The following SNRPC variants were observed in gnomAD, a reference collection of about 807,000 sequenced individuals.
The protein encoded by SNRPC is small nuclear ribonucleoprotein polypeptide C, also known as U1 small nuclear ribonucleoprotein C.
A neutral mutation model predicts 20.0 loss-of-function variants in SNRPC; 5 were observed. That is an observed-to-expected ratio of 0.25 (90% CI 0.13 to 0.53). The LOEUF (loss-of-function observed/expected upper bound fraction) is 0.53. Among genes scored for constraint, SNRPC ranks in the 20% least tolerant of loss-of-function variants. SNRPC has a pLI of 0.96. For synonymous variants in SNRPC, 61 were observed against 58.7 expected (o/e 1.04, Z -0.18); for missense variants, 112 against 224.1 (o/e 0.50, Z 3.19).
Position 34,761,906 on chromosome 6 carries a change from G to T in SNRPC, c.52-689G>T, listed in dbSNP as rs917026621. Among the ~76,000 whole-genome samples the T allele has an allele frequency of 3.3e-5, 5 of 151,998 alleles. No individual in the cohort carries two copies. In the East Asian group the frequency reaches 9.6e-4, roughly 29 times the overall value. On this transcript the variant is annotated intron_variant, in intron 2 of 5. Coordinates refer to ENST00000244520, the MANE Select transcript of SNRPC (RefSeq NM_003093.3). ...TGGCTCACTGTAGCCTTGATCTCCT[G>T]GGCTCAAACGTGCTTCCCATTTTAG...
At chr6:34,766,858 T>G (rs1254061142) in intron 3 of SNRPC, among the ~76,000 whole-genome samples, 1 of 152,198 alleles carries the variant, frequency 6.6e-6, no homozygotes, top group Non-Finnish European at 1.5e-5. Context: ...TGATGAGTAA[T>G]TTGACTTCCT....
At chr6:34,764,532 G>A (rs1375959434) in intron 3 of SNRPC, among the ~76,000 whole-genome samples, 3 of 151,728 alleles carry the variant, frequency 2.0e-5, no homozygotes. Context: ...GCATGGTGGT[G>A]CGTGCCTGTA....
chr6:34,771,919 A>C (rs529401129), intron 5 of SNRPC, among the ~76,000 whole-genome samples: 1 of 152,326 alleles, frequency 6.6e-6, no homozygotes, highest in Non-Finnish European at 1.5e-5. Flanking sequence ...GATGTGGTGA[A>C]CTGGGGAATG....
rs560589182 is a variant in SNRPC, at chr6:34,772,588, A to C, written c.356-858A>C. Among the ~76,000 whole-genome samples the C allele has an allele frequency of 5.9e-5, 9 of 152,258 alleles. No individual in the cohort carries two copies. The East Asian group carries it at 9.6e-4, about 16-fold the overall frequency. ...TTTTCTCTTGAACCCTTTGCTGCAA[A>C]CCTTTAATCAAAATTATTTAGTTAA... is the stretch of plus-strand genomic sequence containing the variant. On this transcript the variant is annotated intron_variant, in intron 5 of 5. Coordinates refer to ENST00000244520, the MANE Select transcript of SNRPC (RefSeq NM_003093.3).
intron 2 of SNRPC, among the ~76,000 whole-genome samples, chr6:34,759,042 AAAAG>A (rs1764498216): frequency 7.5e-6 from 1 of 133,036 alleles, no homozygotes; most frequent in Non-Finnish European, 1.7e-5. Flanking sequence ...AAAAAAAAAA[AAAAG>A]AAAAGAAAAC....
chr6:34,761,612 C>T (rs1321141190), intron 2 of SNRPC, among the ~76,000 whole-genome samples: 2 of 147,926 alleles, frequency 1.4e-5, no homozygotes, highest in African/African-American at 5.1e-5. Context: ...GCTCCGCCTC[C>T]TGGGTTCACG....
At chr6:34,764,739 G>T (rs1764592246) in intron 3 of SNRPC, among the ~76,000 whole-genome samples, 1 of 151,422 alleles carries the variant, frequency 6.6e-6, no homozygotes, top group South Asian at 2.1e-4. Flanking sequence ...AGAGAAGCGG[G>T]GGCCTGGCAT....
At chr6:34,769,855 A>G (rs2127407806) in intron 4 of SNRPC, among the ~76,000 whole-genome samples, 1 of 152,284 alleles carries the variant, frequency 6.6e-6, no homozygotes, top group Non-Finnish European at 1.5e-5. Flanking sequence ...ATCTGCTATT[A>G]TAAAAAGAGA....
rs1561791609 is a variant in SNRPC at position 34,768,766 on chromosome 6, AAAAAG to A, written c.250+782_250+786del. Among the ~76,000 whole-genome samples, 5 of 151,844 alleles carry A rather than the reference AAAAAG, an allele frequency of 3.3e-5. No individual in the cohort carries two copies. In the South Asian group the frequency reaches 6.2e-4, roughly 19 times the overall value. On this transcript the variant is annotated intron_variant, in intron 4 of 5. Transcript: ENST00000244520. ...AAGACTTTGTCTCAAAAAAAAAAAA[AAAAAG>A]AAAAGAAAAGAAGGAAAGGTAAGAA...
Position 34,773,624 on chromosome 6 carries a change from CAGG to C in SNRPC, c.*57_*59del. The C allele has an allele frequency of 6.5e-7, 1 of 1,535,968 alleles. No individual in the cohort carries two copies. On this transcript the variant is annotated 3_prime_UTR_variant, in exon 6 of 6. Transcript: ENST00000244520. This position sits in a 1 kb window ranked among gnomAD's most constrained non-coding sequence, Gnocchi z 4.1. Reference sequence around the variant, plus strand: ...TTTTATATTACCTGTTCTGCTTCACCAGGAGATCATGCTGCTGTGATACTGAGT... The same window carrying C: ...TTTTATATTACCTGTTCTGCTTCACCAGATCATGCTGCTGTGATACTGAGT...
At chr6:34,759,960 C>A (rs1272169253) in intron 2 of SNRPC, among the ~76,000 whole-genome samples, 1 of 152,090 alleles carries the variant, frequency 6.6e-6, no homozygotes, top group African/African-American at 2.4e-5. Flanking sequence ...TGAATAGTAG[C>A]TGGAAGAAAC....
intron 2 of SNRPC, 88 bp from the exon 3 acceptor site, chr6:34,762,507 C>CA (rs775110493): frequency 1.5e-6 from 1 of 679,008 alleles, no homozygotes; most frequent in Non-Finnish European, 2.6e-6. Flanking sequence ...TGATACTAGA[C>CA]ACGCTACTTA....
At chr6:34,767,305 A>G (rs974350618) in intron 3 of SNRPC, among the ~76,000 whole-genome samples, 1 of 152,248 alleles carries the variant, frequency 6.6e-6, no homozygotes, top group Non-Finnish European at 1.5e-5. Context: ...TAGATTAAAG[A>G]TGACTGTTCC....
intron 2 of SNRPC, among the ~76,000 whole-genome samples, chr6:34,762,339 T>A (rs925776317): frequency 1.3e-5 from 2 of 151,720 alleles, no homozygotes; most frequent in African/African-American, 4.8e-5. Context: ...TAAATGTGGT[T>A]GTGTTCCAAT....
chr6:34,768,446 T>C (rs1764642448), intron 4 of SNRPC, among the ~76,000 whole-genome samples: 1 of 152,174 alleles, frequency 6.6e-6, no homozygotes, highest in South Asian at 2.1e-4. Flanking sequence ...CACCAAAATC[T>C]ATACCTTAGA....
At chr6:34,770,464 A>G in intron 5 of SNRPC, 69 bp downstream of exon 5, 1 of 1,004,064 alleles carries the variant, frequency 1.0e-6, no homozygotes, top group Non-Finnish European at 1.6e-6. Context: ...CTGACACTTA[A>G]TGGAAGGAAG....
At chr6:34,757,661 C>T in intron 1 of SNRPC, 110 bp downstream of exon 1, 1 of 1,392,856 alleles carries the variant, frequency 7.2e-7, no homozygotes, top group Non-Finnish European at 1.0e-6. Context: ...GGGAGAGTAT[C>T]TGGGCCGGGT....
chr6:34,766,972 CTAAA>C (rs370987625), intron 3 of SNRPC, among the ~76,000 whole-genome samples: 319 of 152,156 alleles, frequency 2.1e-3, no homozygotes, highest in African/African-American at 7.1e-3. Context: ...TTTTCTAACA[CTAAA>C]TATAGATGAT....
chr6:34,766,888 G>A (rs1764620249), intron 3 of SNRPC, among the ~76,000 whole-genome samples: 1 of 152,156 alleles, frequency 6.6e-6, no homozygotes, highest in Non-Finnish European at 1.5e-5. Flanking sequence ...TGGGAGTGGA[G>A]TGGGATGGGC....
Sources: gnomAD v4.1 joint callset for allele counts (sites outside exome capture counted in the v4.1 genomes callset) on GRCh38, gnomAD v4.1.1 for gene constraint, Gnocchi (gnomAD v3.1) non-coding constraint, MANE v1.5 for transcripts, NCBI Gene and HGNC (gene_info 2026-07-23, HGNC 2026-07-21) for gene names.